Variants in COLEC10 observed in about 807,000 individuals in gnomAD.
The protein encoded by COLEC10 is collectin subfamily member 10.
Under a neutral mutation model 28.4 loss-of-function variants are expected in COLEC10, and 22 were observed. The observed-to-expected ratio is 0.78, with a 90% CI of 0.55 to 1.11. The LOEUF is 1.11. Ranked by LOEUF, COLEC10 falls within the 50% of genes least tolerant of loss-of-function variation. The pLI is 0.00. For missense variants in COLEC10, 361 were observed against 344.1 expected (o/e 1.05, Z -0.39); for synonymous variants, 125 against 116.1 (o/e 1.08, Z -0.49).
intron 1 of COLEC10, among the ~76,000 whole-genome samples, chr8:118,997,046 C>T (rs79270143): frequency 6.6e-6 from 1 of 152,196 alleles, no homozygotes. Flanking sequence ...CACATTTCAA[C>T]ATGAGATTTG....
At chr8:118,989,026 C>T in the COLEC10 span, among the ~76,000 whole-genome samples, 7,438 of 152,156 alleles carry the variant, frequency 0.049, 281 homozygotes, top group East Asian at 0.17. Context: ...CATCAGAATG[C>T]GACTCAGATA....
the COLEC10 span, among the ~76,000 whole-genome samples, chr8:118,954,740 A>T: frequency 6.6e-6 from 1 of 152,232 alleles, no homozygotes; most frequent in Non-Finnish European, 1.5e-5. Flanking sequence ...ACCCCCAGTG[A>T]CTGTCTACTG....
intron 2 of COLEC10, among the ~76,000 whole-genome samples, chr8:119,032,532 G>A (rs1242543198): frequency 1.3e-5 from 2 of 152,166 alleles, no homozygotes; most frequent in African/African-American, 4.8e-5. Flanking sequence ...GAGTTGTTTA[G>A]ATTATTGCCC....
intron 2 of COLEC10, among the ~76,000 whole-genome samples, chr8:119,023,795 T>G (rs1301866023): frequency 6.6e-6 from 1 of 152,172 alleles, no homozygotes; most frequent in Middle Eastern, 3.2e-3. Flanking sequence ...AAGCTACAAT[T>G]GTATGCCATC....
chr8:119,092,631 T>G (rs1815630642), intron 3 of COLEC10, among the ~76,000 whole-genome samples: 1 of 152,150 alleles, frequency 6.6e-6, no homozygotes, highest in East Asian at 1.9e-4. Flanking sequence ...AGAGGCCGGA[T>G]GCAGTGGCTC....
the COLEC10 span, among the ~76,000 whole-genome samples, chr8:118,988,130 A>G: frequency 7.2e-5 from 11 of 152,110 alleles, no homozygotes; most frequent in South Asian, 8.3e-4. Context: ...GGTAAATTTG[A>G]TAAGTTGTTG....
In COLEC10 at chr8:119,108,323, C is replaced by G. The variant is rs1230052004; in HGVS notation, c.*2132C>G. Among the ~76,000 whole-genome samples the G allele has an allele frequency of 6.6e-6, 1 of 152,138 alleles. No homozygotes were observed. Among genetic ancestry groups the G allele is most frequent in the Non-Finnish European group, 1.5e-5 (1 of 68,012 alleles). Reference sequence around the variant, plus strand: ...AAGGAGAGACATGCAGCAAATGTTGCCTACGGGCAACTTCATGTTAAGGAT... The same window carrying G: ...AAGGAGAGACATGCAGCAAATGTTGGCTACGGGCAACTTCATGTTAAGGAT... On this transcript the variant is annotated 3_prime_UTR_variant, in exon 6 of 6. Coordinates refer to ENST00000332843, the MANE Select transcript of COLEC10 (RefSeq NM_006438.5).
At chr8:119,005,293 C>T (rs868846528) in intron 1 of COLEC10, among the ~76,000 whole-genome samples, 1 of 152,096 alleles carries the variant, frequency 6.6e-6, no homozygotes. Flanking sequence ...CAGGAATAAA[C>T]CTCTTATTTT....
At position 119,040,381 on chromosome 8, in the gene COLEC10, T is replaced by C. The variant is rs1197686167; in HGVS notation, n.235+30828T>C. On this transcript the variant is annotated intron_variant and non_coding_transcript_variant, in intron 2 of 6. Coordinates refer to the COLEC10 transcript ENST00000521788. ...GAAATGGATTTTCTCAATTCTTTAG[T>C]ATCTCATTGGCACATTAAGGTGGAA... Among the ~76,000 whole-genome samples, 3 of 152,216 alleles carry C rather than the reference T, an allele frequency of 2.0e-5. No individual in the cohort carries two copies. In the East Asian group the frequency reaches 5.8e-4, roughly 29 times the overall value.
chr8:119,051,465 C>T (rs16891914), intron 2 of COLEC10, among the ~76,000 whole-genome samples: 13,873 of 152,064 alleles, frequency 0.091, 947 homozygotes, highest in African/African-American at 0.19. Flanking sequence ...GAAAATGTTA[C>T]CAATGTTTAA....
At chr8:118,960,444 G>A in the COLEC10 span, among the ~76,000 whole-genome samples, 3 of 152,158 alleles carry the variant, frequency 2.0e-5, no homozygotes, top group Admixed American at 2.0e-4. Flanking sequence ...TATGCAATGT[G>A]TAAGGGAGCC....
chr8:119,087,089 G>A (rs1243905149), intron 1 of COLEC10, among the ~76,000 whole-genome samples: 1 of 152,194 alleles, frequency 6.6e-6, no homozygotes, highest in African/African-American at 2.4e-5. Flanking sequence ...TGTATGTCAA[G>A]TGCTAAGAAC....
upstream of COLEC10, among the ~76,000 whole-genome samples, chr8:119,064,517 TA>T (rs1158728975): frequency 2.6e-5 from 4 of 152,212 alleles, no homozygotes; most frequent in African/African-American, 7.2e-5. Flanking sequence ...GAAACAATGT[TA>T]AATATGAAGT....
intron 2 of COLEC10, among the ~76,000 whole-genome samples, chr8:119,056,771 T>A (rs572785561): frequency 9.9e-5 from 15 of 151,592 alleles, no homozygotes; most frequent in South Asian, 2.1e-4. Flanking sequence ...GCATTCTTTT[T>A]AAAAAAAAAT....
chr8:118,956,164 TA>T, the COLEC10 span, among the ~76,000 whole-genome samples: 1 of 152,116 alleles, frequency 6.6e-6, no homozygotes, highest in Non-Finnish European at 1.5e-5. Context: ...TTTATAAGGG[TA>T]CTAATCGTAT....
rs187827375 is a variant in COLEC10, at chr8:119,004,138, G to A, written n.123-5303G>A. 8.5e-5 allele frequency among the ~76,000 whole-genome samples: 13 copies of A among 152,134 alleles called. 1 individual carries two copies. The East Asian group carries it at 2.5e-3, about 29-fold the overall frequency. On this transcript the variant is annotated intron_variant and non_coding_transcript_variant, in intron 1 of 6. Transcript: ENST00000521788. ...TCATAGTAAGCAATCAAAATTGATA[G>A]CTATTATTATTTACAGAAAAATCTA...
rs149186642 is a variant in COLEC10, at chr8:119,012,547, T to C, written n.235+2994T>C. On this transcript the variant is annotated intron_variant and non_coding_transcript_variant, in intron 2 of 6. Transcript: ENST00000521788. ...TAAGAGTTTTTAGAGAATTTTGGTA[T>C]TATTTCTTCCTGATATATTTGATAG... Among the ~76,000 whole-genome samples the C allele has an allele frequency of 2.5e-4, 38 of 150,726 alleles. No individual in the cohort carries two copies. The East Asian group carries it at 6.7e-3, about 27-fold the overall frequency.
intron 1 of COLEC10, among the ~76,000 whole-genome samples, chr8:119,082,318 A>G (rs1276438126): frequency 6.6e-6 from 1 of 152,200 alleles, no homozygotes; most frequent in Admixed American, 6.5e-5. Context: ...ATCAGCCATT[A>G]TTGAGAAAGA....
rs116173366 is a variant in COLEC10 at position 119,019,945 on chromosome 8, C to G, written n.235+10392C>G. ...TTTACTTTTGAAGAAAAAAAGTATACAAGTTTACATTTGATTCTGGGGCAT... is the reference window on the plus strand; with the variant it reads ...TTTACTTTTGAAGAAAAAAAGTATAGAAGTTTACATTTGATTCTGGGGCAT... On this transcript the variant is annotated intron_variant and non_coding_transcript_variant, in intron 2 of 6. Transcript: ENST00000521788. 4.9e-3 allele frequency among the ~76,000 whole-genome samples: 753 copies of G among 152,270 alleles called. 11 individuals are homozygous for G. The highest frequency in any genetic ancestry group is 0.017 in the African/African-American group (723 of 41,556).
Sources: gnomAD v4.1 joint callset for allele counts (sites outside exome capture counted in the v4.1 genomes callset) on GRCh38, gnomAD v4.1.1 for gene constraint, MANE v1.5 for transcripts, NCBI Gene and HGNC (gene_info 2026-07-23, HGNC 2026-07-21) for gene names.